BMERB1: variants seen among roughly 807,000 people sequenced by gnomAD.
BMERB1 encodes the protein bMERB domain-containing protein 1.
Under a neutral mutation model 23.6 loss-of-function variants are expected in BMERB1, and 12 were observed. That is an observed-to-expected ratio of 0.51 (90% CI 0.33 to 0.82). The LOEUF is 0.82. Among genes scored for constraint, BMERB1 ranks in the 40% least tolerant of loss-of-function variants. The pLI is 0.03. For missense variants in BMERB1, 247 were observed against 255.4 expected, an observed-to-expected ratio of 0.97 and a Z score of 0.22; for synonymous variants, 122 against 96.6, an observed-to-expected ratio of 1.26 and a Z score of -1.54.
chr16:15,455,839 A>G (rs921657583), intron 1 of BMERB1, among the ~76,000 whole-genome samples: 1 of 152,180 alleles, frequency 6.6e-6, no homozygotes, highest in Non-Finnish European at 1.5e-5. Flanking sequence ...GTAGCAAGGC[A>G]TTTAACCTGT....
At chr16:15,580,280 T>C (rs2030975078) in intron 3 of BMERB1, among the ~76,000 whole-genome samples, 1 of 152,056 alleles carries the variant, frequency 6.6e-6, no homozygotes. Context: ...GAGAAAATTT[T>C]TGTAGACATA....
intron 2 of BMERB1, among the ~76,000 whole-genome samples, chr16:15,522,297 A>G (rs561012108): frequency 1.3e-5 from 2 of 152,320 alleles, no homozygotes; most frequent in Non-Finnish European, 2.9e-5. Context: ...TTGAGTTCCA[A>G]TATTTCCAGA....
chr16:15,434,786 G>A (rs748763832), intron 1 of BMERB1, 27 bp downstream of exon 1: 25 of 412,440 alleles, frequency 6.1e-5, no homozygotes, highest in Middle Eastern at 6.0e-4. Context: ...GGGGCGGGGG[G>A]CCGGGGACAG....
intron 1 of BMERB1, among the ~76,000 whole-genome samples, chr16:15,471,412 AG>A (rs1327331092): frequency 1.3e-5 from 2 of 152,186 alleles, no homozygotes; most frequent in Non-Finnish European, 2.9e-5. Context: ...AGAACTATGC[AG>A]ATTTTCTAAT....
intron 1 of BMERB1, among the ~76,000 whole-genome samples, chr16:15,435,627 G>C (rs889908368): frequency 1.3e-5 from 2 of 152,204 alleles, no homozygotes; most frequent in African/African-American, 4.8e-5. Context: ...CCTTCTCAGG[G>C]ACCCGGCAGC....
At chr16:15,479,392 G>C (rs1435501100) in intron 1 of BMERB1, among the ~76,000 whole-genome samples, 3 of 152,166 alleles carry the variant, frequency 2.0e-5, no homozygotes, top group Admixed American at 2.0e-4. Context: ...GAGTAAGATA[G>C]ACCAATGAAT....
At chr16:15,480,606 CTTTTTTTTTTTTTT>C (rs1159247360) in intron 1 of BMERB1, among the ~76,000 whole-genome samples, 1 of 58,962 alleles carries the variant, frequency 1.7e-5, no homozygotes, top group Non-Finnish European at 2.9e-5. Context: ...ATTCCACTGT[CTTTTTTTTTTTTTT>C]TTTTTTTTTT....
At chr16:15,469,056 C>T (rs950152177) in intron 1 of BMERB1, among the ~76,000 whole-genome samples, 1 of 151,576 alleles carries the variant, frequency 6.6e-6, no homozygotes, top group African/African-American at 2.4e-5. Flanking sequence ...CAACCTCCAC[C>T]TCCTGGGTTC....
chr16:15,448,747 G>A (rs934066944), intron 1 of BMERB1, among the ~76,000 whole-genome samples: 8 of 152,102 alleles, frequency 5.3e-5, no homozygotes, highest in Non-Finnish European at 7.4e-5. Flanking sequence ...AGCTGACATC[G>A]CACTACTGCA....
At chr16:15,513,413 C>T (rs994011729) in intron 1 of BMERB1, among the ~76,000 whole-genome samples, 1 of 152,174 alleles carries the variant, frequency 6.6e-6, no homozygotes, top group Admixed American at 6.5e-5. Flanking sequence ...CAGGCAGGAG[C>T]GCTCAAGGCA....
intron 1 of BMERB1, among the ~76,000 whole-genome samples, chr16:15,455,166 A>G (rs1364297071): frequency 6.6e-6 from 1 of 151,838 alleles, no homozygotes; most frequent in African/African-American, 2.4e-5. Flanking sequence ...TCTACTAAAG[A>G]TACAGACATT....
chr16:15,533,156 ACTTTC>A (rs779745677), intron 2 of BMERB1: 1 of 328,958 alleles, frequency 3.0e-6, no homozygotes, highest in Non-Finnish European at 6.0e-6. Flanking sequence ...ATTAAATGTT[ACTTTC>A]CTTTACCACC....
chr16:15,568,191 C>A, intron 3 of BMERB1, 135 bp downstream of exon 3: 1 of 683,970 alleles, frequency 1.5e-6, no homozygotes, highest in Non-Finnish European at 2.5e-6. Context: ...GTGTCAAACA[C>A]AACTTCGAGT....
At chr16:15,542,021 C>T (rs1337255939) in intron 2 of BMERB1, among the ~76,000 whole-genome samples, 1 of 149,848 alleles carries the variant, frequency 6.7e-6, no homozygotes, top group Non-Finnish European at 1.5e-5. Flanking sequence ...GCTGGGATTA[C>T]AGGCATGAGC....
At chr16:15,543,673 G>C (rs1352676147) in intron 2 of BMERB1, among the ~76,000 whole-genome samples, 3 of 151,816 alleles carry the variant, frequency 2.0e-5, no homozygotes, top group African/African-American at 7.3e-5. Flanking sequence ...ATTTTGAAAT[G>C]AGCTGGGCAT....
In BMERB1 at chr16:15,446,930, A is replaced by ATT. The variant is rs1205463541; in HGVS notation, c.106+12171_106+12172insTT. On this transcript the variant is annotated intron_variant, in intron 1 of 5. Coordinates refer to ENST00000300006, the MANE Select transcript of BMERB1 (RefSeq NM_033201.3). ...TTTGAAGACTTGTAGCTTCACAAAGAAAGGCTTTCTTTGAATGATCAAGAA... is the reference window on the plus strand; with the variant it reads ...TTTGAAGACTTGTAGCTTCACAAAGATTAAGGCTTTCTTTGAATGATCAAGAA... Among the ~76,000 whole-genome samples, 4 of 152,184 alleles carry ATT rather than the reference A, an allele frequency of 2.6e-5. No individual in the cohort carries two copies. In the East Asian group the frequency reaches 7.7e-4, roughly 29 times the overall value.
At position 15,588,125 on chromosome 16, in the gene BMERB1, CT is replaced by C. The variant is rs2031200550; in HGVS notation, c.*1303del. The C allele has an allele frequency of 6.6e-6, 1 of 151,710 alleles. No individual in the cohort carries two copies. The highest frequency in any genetic ancestry group is 1.5e-5 in the Non-Finnish European group (1 of 67,946). 9.4% of individuals were successfully genotyped at this position (151,710 alleles called of 1,614,324 possible). On this transcript the variant is annotated 3_prime_UTR_variant, in exon 6 of 6. Transcript: ENST00000300006. The stretch of plus-strand genomic sequence containing the variant: ...TGATGTTTCGACGTTTTAAAAAAGT[CT>C]TTTTTTGTGCATTTTTTCATCGTTG...
rs973421564 is a variant in BMERB1, at chr16:15,557,064, C to G, written c.231-10919C>G. Among the ~76,000 whole-genome samples, 9 of 152,290 alleles carry G rather than the reference C, an allele frequency of 5.9e-5. No individual in the cohort carries two copies. The East Asian group carries it at 1.2e-3, about 20-fold the overall frequency. ...GCTGCAACTCAAGCTGCTGATGCCTCCATTTCATGTCGTTTTCACAAACAT... is the reference window on the plus strand; with the variant it reads ...GCTGCAACTCAAGCTGCTGATGCCTGCATTTCATGTCGTTTTCACAAACAT... On this transcript the variant is annotated intron_variant, in intron 2 of 5. Transcript: ENST00000300006.
intron 1 of BMERB1, among the ~76,000 whole-genome samples, chr16:15,503,219 A>G (rs2051548414): frequency 6.6e-6 from 1 of 152,246 alleles, no homozygotes; most frequent in African/African-American, 2.4e-5. Flanking sequence ...TAAAGTCTAC[A>G]GGAGGATGTG....
Sources: allele counts gnomAD v4.1 joint callset (sites outside exome capture counted in the v4.1 genomes callset), GRCh38; gene constraint gnomAD v4.1.1; transcripts MANE v1.5; gene names NCBI Gene and HGNC (gene_info 2026-07-23, HGNC 2026-07-21).